The following ZEB1 variants were observed in gnomAD, a reference collection of about 807,000 sequenced individuals.
ZEB1 encodes zinc finger E-box binding homeobox 1.
ZEB1 carries 21 observed loss-of-function variants against 84.9 expected under a neutral mutation model. That is an observed-to-expected ratio of 0.25 (90% CI 0.18 to 0.36). ZEB1 has a LOEUF of 0.36. Ranked by LOEUF, ZEB1 falls within the 10% of genes least tolerant of loss-of-function variation. The pLI, the probability that ZEB1 is intolerant of heterozygous loss-of-function variation, is 1.00. For synonymous variants in ZEB1, 420 were observed against 471.1 expected (o/e 0.89, Z 1.41); for missense variants, 1,104 against 1,330.2 (o/e 0.83, Z 2.65).
upstream of ZEB1, chr10:31,318,462 T>G (rs745337041): frequency 6.6e-5 from 10 of 152,450 alleles, no homozygotes; most frequent in Non-Finnish European, 1.5e-4. Flanking sequence ...ACTTCTAGCC[T>G]CTCTTTCAAT....
At chr10:31,453,414 C>T (rs141646714) in intron 1 of ZEB1, among the ~76,000 whole-genome samples, 1 of 152,058 alleles carries the variant, frequency 6.6e-6, no homozygotes, top group Non-Finnish European at 1.5e-5. Context: ...CTTTATGAAG[C>T]ATTTAGGTGA....
rs537425518 is a variant in ZEB1 at position 31,388,737 on chromosome 10, A to G, written c.58+69445A>G. On this transcript the variant is annotated intron_variant, in intron 1 of 8. Coordinates refer to ENST00000424869, the MANE Select transcript of ZEB1 (RefSeq NM_001174096.2). ...TCTATATATACGTACAGTTTTTTTT[A>G]ATTTTTATTTGCAAGAGCATGCTAA... 9.9e-5 allele frequency among the ~76,000 whole-genome samples: 15 copies of G among 152,082 alleles called. No homozygotes were observed. In the South Asian group the frequency reaches 3.1e-3, roughly 32 times the overall value.
At chr10:31,486,353 A>G (rs2065765310) in intron 2 of ZEB1, among the ~76,000 whole-genome samples, 1 of 151,754 alleles carries the variant, frequency 6.6e-6, no homozygotes, top group Admixed American at 6.6e-5. Flanking sequence ...TAAATAAGAG[A>G]TGATCCACTT....
At chr10:31,325,641 A>G (rs1357292578) in intron 1 of ZEB1, among the ~76,000 whole-genome samples, 4 of 151,912 alleles carry the variant, frequency 2.6e-5, no homozygotes, top group Non-Finnish European at 5.9e-5. Context: ...TGATCTCTTA[A>G]TTCCCTCCCT....
chr10:31,510,890 T>C lies in ZEB1; in HGVS notation c.687+15T>C. The C allele has an allele frequency of 6.2e-7, 1 of 1,612,448 alleles. No homozygotes were observed. The highest frequency in any genetic ancestry group is 8.5e-7 in the Non-Finnish European group (1 of 1,178,902). ...GAAGAGATCAAGTAAGTGCAATGAC[T>C]GAGAGTTCACTAACTTTCCAGATTT... On this transcript the variant is annotated intron_variant, in intron 5 of 8. Transcript: ENST00000424869.
Position 31,455,698 on chromosome 10 carries a change from C to T in ZEB1, c.59-5339C>T, listed in dbSNP as rs866403136. Among the ~76,000 whole-genome samples, 16 of 152,254 alleles carry T rather than the reference C, an allele frequency of 1.1e-4. No homozygotes were observed. The South Asian group carries it at 1.2e-3, about 12-fold the overall frequency. On this transcript the variant is annotated intron_variant, in intron 1 of 8. Coordinates refer to ENST00000424869, the MANE Select transcript of ZEB1 (RefSeq NM_001174096.2). ...GTCATTAGAGAAATGCAAATCAAAA[C>T]CACAATGAGATACCATCTCACACCA...
chr10:31,434,813 T>C (rs897055673), intron 1 of ZEB1, among the ~76,000 whole-genome samples: 1 of 152,192 alleles, frequency 6.6e-6, no homozygotes, highest in African/African-American at 2.4e-5. Flanking sequence ...AGAGCATCAA[T>C]AAAGCAGCAG....
chr10:31,458,895 C>A (rs1318525828), intron 1 of ZEB1, among the ~76,000 whole-genome samples: 1 of 151,980 alleles, frequency 6.6e-6, no homozygotes, highest in Non-Finnish European at 1.5e-5. Flanking sequence ...TATAGATGCC[C>A]CTTGACTTAT....
chr10:31,320,575 A>C (rs1200772324), intron 1 of ZEB1: 1 of 152,108 alleles, frequency 6.6e-6, no homozygotes, highest in Non-Finnish European at 1.5e-5. Context: ...CTGCTGTGCC[A>C]AGGGAAACAC....
chr10:31,384,275 C>G lies in ZEB1; in HGVS notation c.58+64983C>G, dbSNP rs139638251. On this transcript the variant is annotated intron_variant, in intron 1 of 8. Transcript: ENST00000424869. ...ACAGGCTTGAGCCACTGCGCATGACCTACACCAGTGCTCCTTGAAGAATGG... is the reference window on the plus strand; with the variant it reads ...ACAGGCTTGAGCCACTGCGCATGACGTACACCAGTGCTCCTTGAAGAATGG... Among the ~76,000 whole-genome samples, 1,387 of 152,266 alleles carry G rather than the reference C, an allele frequency of 9.1e-3. 12 individuals carry two copies. The highest frequency in any genetic ancestry group is 0.031 in the African/African-American group (1,297 of 41,540).
At chr10:31,488,938 T>A (rs1212697902) in intron 2 of ZEB1, among the ~76,000 whole-genome samples, 1 of 151,338 alleles carries the variant, frequency 6.6e-6, no homozygotes, top group African/African-American at 2.4e-5. Context: ...GAATGTGAAT[T>A]TCGTCATTGG....
intron 1 of ZEB1, 64 bp downstream of exon 1, chr10:31,319,356 C>CG: frequency 1.3e-6 from 2 of 1,514,116 alleles, no homozygotes; most frequent in East Asian, 4.7e-5. Flanking sequence ...GGGGCGCCCC[C>CG]GGGGGTGAGG....
intron 1 of ZEB1, among the ~76,000 whole-genome samples, chr10:31,382,022 A>AC (rs1326875680): frequency 2.7e-5 from 4 of 147,042 alleles, no homozygotes; most frequent in African/African-American, 1.1e-4. Context: ...AAAAAAAAAA[A>AC]AAAAAAAAAA....
At chr10:31,376,567 C>A (rs2134637652) in intron 1 of ZEB1, among the ~76,000 whole-genome samples, 1 of 151,702 alleles carries the variant, frequency 6.6e-6, no homozygotes, top group East Asian at 1.9e-4. Context: ...TTTAAAACTA[C>A]CAAGTTGTAA....
intron 1 of ZEB1, among the ~76,000 whole-genome samples, chr10:31,424,851 A>C (rs1318963502): frequency 1.3e-5 from 2 of 151,928 alleles, no homozygotes; most frequent in Non-Finnish European, 2.9e-5. Flanking sequence ...CTTATTTTAC[A>C]TTTTCAGCTT....
chr10:31,505,249 CTTTT>C (rs2068778149), intron 4 of ZEB1, among the ~76,000 whole-genome samples: 1 of 151,798 alleles, frequency 6.6e-6, no homozygotes, highest in African/African-American at 2.4e-5. Flanking sequence ...GATAGTTTTC[CTTTT>C]TTTGTTTCAT....
chr10:31,478,264 A>G (rs2064534077), intron 2 of ZEB1, among the ~76,000 whole-genome samples: 1 of 152,082 alleles, frequency 6.6e-6, no homozygotes, highest in Non-Finnish European at 1.5e-5. Flanking sequence ...GCTTAATATC[A>G]CTAATCATCA....
At chr10:31,360,836 T>C (rs1438772874) in intron 1 of ZEB1, 2 of 766,360 alleles carry the variant, frequency 2.6e-6, no homozygotes, top group African/African-American at 3.4e-5. Flanking sequence ...CACAGAGTTC[T>C]CAAGGCCATT....
chr10:31,321,141 C>G (rs899859164), intron 1 of ZEB1: 22 of 1,038,612 alleles, frequency 2.1e-5, no homozygotes, highest in Non-Finnish European at 2.6e-5. Flanking sequence ...TCCCTTTCTC[C>G]CTCCCCTCTG....
Sources: gnomAD v4.1 joint callset for allele counts (sites outside exome capture counted in the v4.1 genomes callset) on GRCh38, gnomAD v4.1.1 for gene constraint, MANE v1.5 for transcripts, NCBI Gene and HGNC (gene_info 2026-07-23, HGNC 2026-07-21) for gene names.